ROR1: variants seen among roughly 807,000 people sequenced by gnomAD.
The protein encoded by ROR1 is inactive tyrosine-protein kinase transmembrane receptor ROR1.
In ROR1, 19 loss-of-function variants were observed where a neutral mutation model predicts 78.8. The ratio of observed to expected loss-of-function variants is 0.24; its 90% CI spans 0.17 to 0.35. The LOEUF is 0.35. Among genes scored for constraint, ROR1 ranks in the 10% least tolerant of loss-of-function variants. ROR1 has a pLI of 1.00. For missense variants in ROR1, 917 were observed against 1,177.8 expected, an observed-to-expected ratio of 0.78 and a Z score of 3.24; for synonymous variants, 386 against 433.6, an observed-to-expected ratio of 0.89 and a Z score of 1.36.
intron 1 of ROR1, among the ~76,000 whole-genome samples, chr1:63,931,314 C>T (rs1044557274): frequency 2.6e-5 from 4 of 152,070 alleles, no homozygotes; most frequent in African/African-American, 9.7e-5. Flanking sequence ...AAATCACAGA[C>T]AATATAAGCA....
intron 4 of ROR1, among the ~76,000 whole-genome samples, chr1:64,122,279 G>A (rs2100689405): frequency 6.6e-6 from 1 of 152,330 alleles, no homozygotes; most frequent in African/African-American, 2.4e-5. Context: ...GTAACTATGT[G>A]ATGTGAGGAT....
chr1:63,886,639 T>A (rs1037950525), intron 1 of ROR1, among the ~76,000 whole-genome samples: 7 of 152,182 alleles, frequency 4.6e-5, no homozygotes, highest in African/African-American at 1.7e-4. Flanking sequence ...CATCTTCTCC[T>A]TCAGAATGTT....
chr1:63,791,106 G>A (rs1557498242), intron 1 of ROR1, among the ~76,000 whole-genome samples: 1 of 152,222 alleles, frequency 6.6e-6, no homozygotes, highest in South Asian at 2.1e-4. Flanking sequence ...TATGAGTCAG[G>A]AGTGGTCCTT....
chr1:64,000,605 A>G (rs1646374862), intron 1 of ROR1, among the ~76,000 whole-genome samples: 1 of 152,320 alleles, frequency 6.6e-6, no homozygotes, highest in East Asian at 1.9e-4. Flanking sequence ...TCTTTAACAA[A>G]CAAAACAAAT....
chr1:64,038,176 C>T (rs1043762584), intron 2 of ROR1, among the ~76,000 whole-genome samples: 4 of 152,320 alleles, frequency 2.6e-5, no homozygotes, highest in South Asian at 2.1e-4. Flanking sequence ...TTTCCCCTCT[C>T]CTGTCTACTC....
intron 4 of ROR1, among the ~76,000 whole-genome samples, chr1:64,098,113 G>A (rs914874024): frequency 1.1e-4 from 16 of 152,168 alleles, no homozygotes; most frequent in African/African-American, 3.9e-4. Flanking sequence ...TTTCAAATTC[G>A]TTCCAGGTAA....
chr1:64,142,703 T>C, intron 7 of ROR1, 53 bp downstream of exon 7: 1 of 1,600,724 alleles, frequency 6.2e-7, no homozygotes, highest in Non-Finnish European at 8.5e-7. Flanking sequence ...AAGATCCCTA[T>C]CCTACCCCTC....
intron 1 of ROR1, among the ~76,000 whole-genome samples, chr1:63,958,181 A>T (rs1645999069): frequency 6.6e-6 from 1 of 152,224 alleles, no homozygotes. Flanking sequence ...ATTTATTATT[A>T]TGCAAGTATG....
intron 1 of ROR1, among the ~76,000 whole-genome samples, chr1:63,795,611 C>G (rs1192782030): frequency 1.3e-5 from 2 of 151,998 alleles, no homozygotes; most frequent in Non-Finnish European, 2.9e-5. Flanking sequence ...CCACAGAAGC[C>G]CTTTGGAGTG....
chr1:64,058,560 A>G (rs1226345647), intron 4 of ROR1, among the ~76,000 whole-genome samples: 3 of 148,152 alleles, frequency 2.0e-5, no homozygotes, highest in Non-Finnish European at 1.5e-5. Context: ...GATTTTCTCA[A>G]GTGCTCTTTG....
Position 64,049,879 on chromosome 1 carries a change from A to T in ROR1, c.352A>T (p.Ile118Phe). 3 of 1,614,152 alleles carry T rather than the reference A, an allele frequency of 1.9e-6. No homozygotes were observed. Among genetic ancestry groups the T allele is most frequent in the Non-Finnish European group, 2.5e-6 (3 of 1,180,020 alleles). ...CACCATCTATGGCTCTCGGCTGCGG[A>T]TTAGAAACCTCGACACCACAGACAC... ...RSTIYGSRLR[I>F]RNLDTTDTGY... Residue 118 changes from isoleucine to phenylalanine, a missense_variant, in exon 3 of 9, where the codon ATT becomes TTT. Ile to Phe is a conservative substitution (Grantham distance 21, BLOSUM62 0). Around this residue, in one of 3 missense-constraint regions of ROR1, gnomAD observed 835 missense variants for 1,069.8 expected, o/e 0.78. Coordinates refer to ENST00000371079, the MANE Select transcript of ROR1 (RefSeq NM_005012.4).
Position 63,936,976 on chromosome 1 carries a change from C to CCAGT in ROR1, c.92-72328_92-72325dup, listed in dbSNP as rs1342188934. On this transcript the variant is annotated intron_variant, in intron 1 of 8. Transcript: ENST00000371079. ...TAGACAACTTTATCTCATCAATAGCCCAGTTTTTATTATGTGTCCAGTGTG... is the reference window on the plus strand; with the variant it reads ...TAGACAACTTTATCTCATCAATAGCCCAGTCAGTTTTTATTATGTGTCCAGTGTG... Among the ~76,000 whole-genome samples, 4 of 152,062 alleles carry CCAGT rather than the reference C, an allele frequency of 2.6e-5. No individual in the cohort carries two copies. In the South Asian group the frequency reaches 8.3e-4, roughly 32 times the overall value.
intron 4 of ROR1, among the ~76,000 whole-genome samples, chr1:64,072,964 T>A (rs1255060255): frequency 6.6e-6 from 1 of 152,082 alleles, no homozygotes; most frequent in Non-Finnish European, 1.5e-5. Context: ...AGAGTAGTTG[T>A]GATGAAAAAA....
chr1:63,813,033 G>A (rs1644869720), intron 1 of ROR1, among the ~76,000 whole-genome samples: 1 of 151,846 alleles, frequency 6.6e-6, no homozygotes, highest in African/African-American at 2.4e-5. Context: ...TATCAATTTT[G>A]GAGAGGGGTC....
chr1:63,798,098 G>C (rs755199102), intron 1 of ROR1, among the ~76,000 whole-genome samples: 5 of 152,104 alleles, frequency 3.3e-5, no homozygotes, highest in Non-Finnish European at 2.9e-5. Flanking sequence ...ATGAAGATTT[G>C]AATGGAACAG....
At chr1:64,064,414 C>T (rs1300260858) in intron 4 of ROR1, among the ~76,000 whole-genome samples, 1 of 152,208 alleles carries the variant, frequency 6.6e-6, no homozygotes, top group East Asian at 1.9e-4. Flanking sequence ...CAGCCAGTTT[C>T]TCCCATTAGG....
At chr1:63,960,168 C>T (rs1013506159) in intron 1 of ROR1, among the ~76,000 whole-genome samples, 9 of 152,260 alleles carry the variant, frequency 5.9e-5, no homozygotes, top group African/African-American at 2.2e-4. Context: ...CTAAAAGAAA[C>T]GTTGTTACTC....
chr1:63,967,229 A>G (rs1023473220), intron 1 of ROR1, among the ~76,000 whole-genome samples: 2 of 152,160 alleles, frequency 1.3e-5, no homozygotes, highest in African/African-American at 2.4e-5. Flanking sequence ...TCTGTATCCA[A>G]TTGTGGGAAT....
chr1:64,156,149 AG>A (rs1434936534), intron 7 of ROR1, among the ~76,000 whole-genome samples: 1 of 152,210 alleles, frequency 6.6e-6, no homozygotes, highest in Non-Finnish European at 1.5e-5. Flanking sequence ...AACTGGTACT[AG>A]AATAGATTTG....
Sources: gnomAD v4.1 joint callset for allele counts (sites outside exome capture counted in the v4.1 genomes callset) on GRCh38, gnomAD v4.1.1 for gene constraint, gnomAD v4.1.1 regional missense constraint, MANE v1.5 for transcripts, NCBI Gene and HGNC (gene_info 2026-07-23, HGNC 2026-07-21) for gene names.